PHF8: variants seen among roughly 807,000 people sequenced by gnomAD.
PHF8 encodes the protein histone lysine demethylase PHF8.
PHF8 carries 9 observed loss-of-function variants against 74.4 expected under a neutral mutation model. The ratio of observed to expected loss-of-function variants is 0.12; its 90% confidence interval spans 0.07 to 0.21. The LOEUF is 0.21. PHF8 is among the 10% of genes least tolerant of loss of function. The probability of loss-of-function intolerance (pLI) is 1.00; values close to 1 mark genes in which losing one functional copy is unlikely to be tolerated. For missense variants in PHF8, 478 were observed against 816.6 expected, an observed-to-expected ratio of 0.59 and a Z score of 5.05; for synonymous variants, 311 against 316.6, an observed-to-expected ratio of 0.98 and a Z score of 0.19.
chrX:53,983,279 T>A (rs1557098582), intron 18 of PHF8, among the ~76,000 whole-genome samples: 3 of 111,550 alleles, frequency 2.7e-5, no homozygotes, highest in African/African-American at 9.8e-5. Flanking sequence ...AGGAAATATT[T>A]TTCAATAAAT....
intron 18 of PHF8, among the ~76,000 whole-genome samples, chrX:53,966,707 G>T (rs1400004913): frequency 1.9e-5 from 2 of 108,059 alleles, no homozygotes; most frequent in African/African-American, 7.0e-5. Context: ...TCTGGGATGT[G>T]AGGAGCCCCT....
upstream of PHF8, among the ~76,000 whole-genome samples, chrX:54,047,521 A>G (rs1195428018): frequency 1.8e-5 from 2 of 112,016 alleles, no homozygotes; most frequent in South Asian, 3.7e-4. Context: ...CCTGGCCTGC[A>G]TGCAGCTGAC....
intron 2 of PHF8, among the ~76,000 whole-genome samples, chrX:54,027,700 A>G (rs1557111709): frequency 2.7e-5 from 3 of 111,268 alleles, no homozygotes; most frequent in South Asian, 7.6e-4. Flanking sequence ...CTTGACTTCT[A>G]TAACGTCCCA....
intron 19 of PHF8, among the ~76,000 whole-genome samples, chrX:53,952,674 G>C (rs1295248156): frequency 9.2e-6 from 1 of 109,172 alleles, no homozygotes. Flanking sequence ...ATGAGGTCAG[G>C]AGATGGACAC....
intron 18 of PHF8, among the ~76,000 whole-genome samples, chrX:53,979,251 G>A (rs1274450671): frequency 1.8e-5 from 2 of 110,642 alleles, no homozygotes; most frequent in African/African-American, 3.3e-5. Flanking sequence ...GCGTGGTGGC[G>A]TACACCTGTA....
intron 8 of PHF8, among the ~76,000 whole-genome samples, chrX:54,008,012 C>A (rs1347598827): frequency 8.9e-6 from 1 of 112,230 alleles, no homozygotes. Flanking sequence ...AAATGTCTAT[C>A]AACTGACTAA....
chrX:53,966,263 G>A (rs1024980349), intron 18 of PHF8, among the ~76,000 whole-genome samples: 4 of 110,924 alleles, frequency 3.6e-5, no homozygotes, highest in African/African-American at 9.8e-5. Flanking sequence ...CTCTTTCCAC[G>A]GTCTCCCTCT....
rs956770141 is a variant in PHF8, at chrX:53,938,983, G to C, written c.*175C>G. 6 of 1,013,618 alleles carry C rather than the reference G, an allele frequency of 5.9e-6. No individual in the cohort carries two copies. The highest frequency in any genetic ancestry group is 3.9e-4 in the Middle Eastern group (1 of 2,532). 83.5% of individuals were successfully genotyped at this position (1,013,618 alleles called of 1,213,427 possible). A position where few individuals can be genotyped will look rare whatever the true frequency, so the allele number is the denominator to read the frequency against. On this transcript the variant is annotated 3_prime_UTR_variant, in exon 22 of 22. Transcript: ENST00000338154. The stretch of plus-strand genomic sequence containing the variant: ...AGGCAGGATGCTCTAGTGAAAGTGG[G>C]GAAGGGAACTAGAAGGAGTCGGTGG...
At chrX:54,011,097 C>G in intron 8 of PHF8, 25 bp downstream of exon 8, 1 of 1,199,072 alleles carries the variant, frequency 8.3e-7, no homozygotes, top group Non-Finnish European at 1.1e-6. Flanking sequence ...TCCCCAAACC[C>G]TCCCAGAAGC....
intron 4 of PHF8, among the ~76,000 whole-genome samples, chrX:54,018,355 G>A (rs2066106256): frequency 9.1e-6 from 1 of 110,483 alleles, no homozygotes; most frequent in Admixed American, 9.7e-5. Context: ...TACTTGGGAG[G>A]CTGAGGCAGG....
chrX:53,954,499 C>CAAAAAAAAAAAAAAA (rs1180184175), intron 19 of PHF8, among the ~76,000 whole-genome samples: 47 of 13,087 alleles, frequency 3.6e-3, no homozygotes, highest in South Asian at 6.7e-3. Flanking sequence ...GACTCTGTCT[C>CAAAAAAAAAAAAAAA]AAAAAAAAAA....
intron 18 of PHF8, among the ~76,000 whole-genome samples, chrX:53,964,868 CAAAAAAAAAA>C (rs782274910): frequency 7.9e-5 from 3 of 37,777 alleles, no homozygotes; most frequent in Non-Finnish European, 9.9e-5. Context: ...AACTCTGCCT[CAAAAAAAAAA>C]AAAAAAAAAA....
intron 18 of PHF8, among the ~76,000 whole-genome samples, chrX:53,983,839 G>A (rs1557098694): frequency 8.9e-6 from 1 of 111,926 alleles, no homozygotes; most frequent in African/African-American, 3.2e-5. Flanking sequence ...TCTCTGCACT[G>A]ACATTGAAAG....
At chrX:54,032,398 C>G (rs2066375214) in intron 2 of PHF8, among the ~76,000 whole-genome samples, 1 of 110,992 alleles carries the variant, frequency 9.0e-6, no homozygotes, top group South Asian at 3.8e-4. Context: ...CCCTCACTCA[C>G]TCTGTTCCAA....
Position 53,966,916 on chromosome X carries a change from C to A in PHF8, c.2444-3977G>T, listed in dbSNP as rs1297221952. Among the ~76,000 whole-genome samples, 258 of 109,635 alleles carry A rather than the reference C, an allele frequency of 2.4e-3. 1 individual carries two copies. Among genetic ancestry groups the A allele is most frequent in the Non-Finnish European group, 3.5e-3 (183 of 52,193 alleles). On this transcript the variant is annotated intron_variant, in intron 18 of 21. Transcript: ENST00000338154. ...CTGGGATGTGAGGAGCGCCTCTGCCCGGTCGCGACCCCGTCTGGGAGGTGA... is the reference window on the plus strand; with the variant it reads ...CTGGGATGTGAGGAGCGCCTCTGCCAGGTCGCGACCCCGTCTGGGAGGTGA...
At chrX:53,973,270 C>G (rs1212250307) in intron 18 of PHF8, among the ~76,000 whole-genome samples, 3 of 112,013 alleles carry the variant, frequency 2.7e-5, no homozygotes, top group Non-Finnish European at 3.8e-5. Context: ...CCACTATTGA[C>G]ATTCTTCACA....
intron 1 of PHF8, 100 bp downstream of exon 1, chrX:54,043,662 C>G (rs1211435809): frequency 1.1e-5 from 2 of 187,011 alleles, no homozygotes; most frequent in Non-Finnish European, 8.2e-6. Flanking sequence ...TGCAGCCCCC[C>G]CTCAAACTGA....
intron 19 of PHF8, among the ~76,000 whole-genome samples, chrX:53,959,154 G>T (rs782661053): frequency 9.0e-6 from 1 of 111,426 alleles, no homozygotes; most frequent in Non-Finnish European, 1.9e-5. Context: ...ATTGGTTTTC[G>T]ATATTTACAG....
chrX:54,046,052 G>A (rs782424296), upstream of PHF8, among the ~76,000 whole-genome samples: 2 of 110,093 alleles, frequency 1.8e-5, no homozygotes, highest in Non-Finnish European at 3.8e-5. Context: ...GGACTCAAGC[G>A]GTCCTTCCGC....
Sources: allele counts gnomAD v4.1 joint callset (sites outside exome capture counted in the v4.1 genomes callset), GRCh38; gene constraint gnomAD v4.1.1; transcripts MANE v1.5; gene names NCBI Gene and HGNC (gene_info 2026-07-23, HGNC 2026-07-21).